KDM4C: variants seen among roughly 807,000 people sequenced by gnomAD.
The protein encoded by KDM4C is lysine demethylase 4C.
Under a neutral mutation model 129.3 loss-of-function variants are expected in KDM4C, and 81 were observed. The ratio of observed to expected loss-of-function variants is 0.63; its 90% confidence interval spans 0.52 to 0.75. KDM4C has a LOEUF of 0.75. Ranked by LOEUF, KDM4C falls within the 30% of genes least tolerant of loss-of-function variation. KDM4C has a pLI of 0.00. For missense variants in KDM4C, 1,457 were observed against 1,304.0 expected, an observed-to-expected ratio of 1.12 and a Z score of -1.81; for synonymous variants, 573 against 456.1, an observed-to-expected ratio of 1.26 and a Z score of -3.26.
intron 1 of KDM4C, among the ~76,000 whole-genome samples, chr9:6,771,536 C>G (rs1351306775): frequency 2.0e-5 from 3 of 151,606 alleles, no homozygotes; most frequent in African/African-American, 4.9e-5. Context: ...GTCTCGAACT[C>G]CTGACCTCAG....
intron 1 of KDM4C, among the ~76,000 whole-genome samples, chr9:6,742,874 A>G (rs1817748091): frequency 1.3e-5 from 2 of 151,976 alleles, no homozygotes; most frequent in African/African-American, 4.8e-5. Flanking sequence ...GTCAGTAGCC[A>G]AGGTCTGGGG....
intron 15 of KDM4C, among the ~76,000 whole-genome samples, chr9:7,037,937 G>C (rs1457172214): frequency 1.3e-5 from 2 of 152,104 alleles, no homozygotes; most frequent in East Asian, 3.9e-4. Context: ...ATTGTTCCTG[G>C]AAAAGCCATG....
At chr9:6,879,210 A>G (rs543035927) in intron 5 of KDM4C, among the ~76,000 whole-genome samples, 1 of 152,312 alleles carries the variant, frequency 6.6e-6, no homozygotes, top group Non-Finnish European at 1.5e-5. Flanking sequence ...ACATGGAATG[A>G]TTATTCAAAT....
intron 4 of KDM4C, among the ~76,000 whole-genome samples, chr9:6,827,367 C>A (rs1048384840): frequency 6.6e-6 from 1 of 152,162 alleles, no homozygotes; most frequent in African/African-American, 2.4e-5. Flanking sequence ...GAATTTTTGT[C>A]AGTTCCAGAT....
At position 7,048,098 on chromosome 9, in the gene KDM4C, C is replaced by T. The variant is rs537843745; in HGVS notation, c.2316-994C>T. Among the ~76,000 whole-genome samples, 6 of 152,194 alleles carry T rather than the reference C, an allele frequency of 3.9e-5. No homozygotes were observed. In the South Asian group the frequency reaches 6.2e-4, roughly 16 times the overall value. On this transcript the variant is annotated intron_variant, in intron 16 of 21. Coordinates refer to ENST00000381309, the MANE Select transcript of KDM4C (RefSeq NM_015061.6). ...CCTGGTTGATATGATTCGCACTATA[C>T]TGAAAGTCTTCACTAGTTCTTGGAT... is the stretch of plus-strand genomic sequence containing the variant.
chr9:6,757,178 GA>G (rs1319679980), upstream of KDM4C, among the ~76,000 whole-genome samples: 2 of 150,700 alleles, frequency 1.3e-5, no homozygotes, highest in African/African-American at 4.8e-5. Flanking sequence ...CAAGTTGTAG[GA>G]AGTTAACTTA....
Position 7,165,457 on chromosome 9 carries a change from T to C in KDM4C, c.2901+100T>C, listed in dbSNP as rs1587957813. 8.3e-6 allele frequency: 11 copies of C among 1,321,590 alleles called. No homozygotes were observed. In the East Asian group the frequency reaches 2.6e-4, roughly 31 times the overall value. 81.9% of individuals were successfully genotyped at this position (1,321,590 alleles called of 1,614,324 possible). A position where few individuals can be genotyped will look rare whatever the true frequency, so the allele number is the denominator to read the frequency against. Reference sequence around the variant, plus strand: ...CTGCTGAACAATAAGCCACATGAATTTGGGACACCTCTTATTTTATGCAGG... The same window carrying C: ...CTGCTGAACAATAAGCCACATGAATCTGGGACACCTCTTATTTTATGCAGG... On this transcript the variant is annotated intron_variant, in intron 20 of 21. Transcript: ENST00000381309.
At chr9:7,165,175 T>C (rs1399892843) in intron 19 of KDM4C, 63 bp from the exon 20 acceptor site, 1 of 1,575,104 alleles carries the variant, frequency 6.3e-7, no homozygotes, top group Non-Finnish European at 8.6e-7. Flanking sequence ...CATCATTTGC[T>C]AAGTTCTAAA....
chr9:6,949,915 CTTTCTGGATT>C (rs1224956325), intron 8 of KDM4C, among the ~76,000 whole-genome samples: 6 of 152,086 alleles, frequency 3.9e-5, no homozygotes, highest in Non-Finnish European at 8.8e-5. Flanking sequence ...AATTGATGTT[CTTTCTGGATT>C]TTTGAGATCC....
intron 19 of KDM4C, among the ~76,000 whole-genome samples, chr9:7,150,188 G>C (rs1002695448): frequency 2.0e-5 from 3 of 152,190 alleles, no homozygotes; most frequent in African/African-American, 7.2e-5. Context: ...ACAGAGTGCC[G>C]CAGGAGCCGC....
At chr9:6,798,795 C>T (rs1311380426) in intron 2 of KDM4C, among the ~76,000 whole-genome samples, 1 of 152,290 alleles carries the variant, frequency 6.6e-6, no homozygotes, top group African/African-American at 2.4e-5. Flanking sequence ...AGAGGGGCTC[C>T]TCACTTCCCC....
At chr9:6,876,650 A>G (rs1843604046) in intron 5 of KDM4C, among the ~76,000 whole-genome samples, 1 of 152,114 alleles carries the variant, frequency 6.6e-6, no homozygotes, top group African/African-American at 2.4e-5. Flanking sequence ...TTGCCCATCA[A>G]AGTAGTGCCG....
intron 4 of KDM4C, chr9:6,835,056 C>G: frequency 2.1e-6 from 2 of 959,502 alleles, no homozygotes; most frequent in Non-Finnish European, 3.4e-6. Context: ...GCTTCACCAC[C>G]ACGGCTGAGT....
At chr9:7,051,356 A>G (rs1475617970) in intron 17 of KDM4C, among the ~76,000 whole-genome samples, 1 of 152,182 alleles carries the variant, frequency 6.6e-6, no homozygotes, top group African/African-American at 2.4e-5. Flanking sequence ...ACTGCAGTCC[A>G]GTGTCTGTGC....
At chr9:7,058,297 A>G (rs1436773901) in intron 17 of KDM4C, among the ~76,000 whole-genome samples, 1 of 152,158 alleles carries the variant, frequency 6.6e-6, no homozygotes, top group Non-Finnish European at 1.5e-5. Context: ...ATCCTAAGGC[A>G]TTGAATTTTA....
chr9:6,812,372 A>G (rs1047151808), intron 3 of KDM4C, among the ~76,000 whole-genome samples: 10 of 152,208 alleles, frequency 6.6e-5, no homozygotes, highest in African/African-American at 1.2e-4. Context: ...CATCTCTGCT[A>G]TCTTCTCCTT....
intron 5 of KDM4C, among the ~76,000 whole-genome samples, chr9:6,874,763 C>G (rs1256896970): frequency 6.6e-6 from 1 of 151,956 alleles, no homozygotes; most frequent in African/African-American, 2.4e-5. Flanking sequence ...GAAGAGAAGG[C>G]AAGGATGAAG....
intron 17 of KDM4C, among the ~76,000 whole-genome samples, chr9:7,087,865 G>T (rs562406812): frequency 1.6e-4 from 25 of 152,182 alleles, no homozygotes; most frequent in African/African-American, 6.0e-4. Context: ...GAGAAATTTT[G>T]TGTCCACTTA....
At chr9:7,055,385 A>C (rs1435738344) in intron 17 of KDM4C, among the ~76,000 whole-genome samples, 2 of 152,190 alleles carry the variant, frequency 1.3e-5, no homozygotes, top group African/African-American at 4.8e-5. Context: ...ATGACCTCTG[A>C]TTTGTGTTTG....
Sources: gnomAD v4.1 joint callset for allele counts (sites outside exome capture counted in the v4.1 genomes callset) on GRCh38, gnomAD v4.1.1 for gene constraint, MANE v1.5 for transcripts, NCBI Gene and HGNC (gene_info 2026-07-23, HGNC 2026-07-21) for gene names.